Variants in MARCHF1 observed in about 807,000 individuals in gnomAD.
MARCHF1 encodes the protein E3 ubiquitin-protein ligase MARCHF1.
In MARCHF1, 40 loss-of-function variants were observed where a neutral mutation model predicts 54.2. That is an observed-to-expected ratio of 0.74 (90% confidence interval 0.57 to 0.96). The LOEUF (loss-of-function observed/expected upper bound fraction) is 0.96, where lower values mean the gene tolerates loss of function less well. MARCHF1 is among the 40% of genes least tolerant of loss of function. The pLI, the probability that MARCHF1 is intolerant of heterozygous loss-of-function variation, is 0.00. For missense variants in MARCHF1, 586 were observed against 656.5 expected (o/e 0.89, Z 1.17); for synonymous variants, 236 against 236.3 (o/e 1.00, Z 0.01).
chr4:164,322,704 G>A (rs1438584396), intron 1 of MARCHF1, among the ~76,000 whole-genome samples: 2 of 151,868 alleles, frequency 1.3e-5, no homozygotes, highest in Admixed American at 6.6e-5. Context: ...CACCTACTAT[G>A]TATTCACAAA....
At chr4:164,175,064 A>T (rs1184355621) in intron 1 of MARCHF1, among the ~76,000 whole-genome samples, 1 of 152,132 alleles carries the variant, frequency 6.6e-6, no homozygotes, top group Non-Finnish European at 1.5e-5. Context: ...TCCTAGTTCT[A>T]CTTCTTACTA....
intron 4 of MARCHF1, among the ~76,000 whole-genome samples, chr4:163,750,726 T>A (rs1746497646): frequency 6.6e-6 from 1 of 151,892 alleles, no homozygotes; most frequent in Non-Finnish European, 1.5e-5. Context: ...AGTAGAATAT[T>A]TAGGGGAGAA....
Position 163,733,177 on chromosome 4 carries a change from GTATATATA to G in MARCHF1, c.112-32322_112-32315del, listed in dbSNP as rs1169850987. Among the ~76,000 whole-genome samples, 129 of 17,490 alleles carry G rather than the reference GTATATATA, an allele frequency of 7.4e-3. 5 individuals are homozygous for G. Among genetic ancestry groups the G allele is most frequent in the South Asian group, 0.014 (5 of 370 alleles). 11.5% of individuals were successfully genotyped at this position (17,490 alleles called of 152,430 possible). Reference sequence around the variant, plus strand: ...TCTCTCTCTCTCTCTCTGTATGTGTGTATATATATATATATATATATATATATATATAT... The same window carrying G: ...TCTCTCTCTCTCTCTCTGTATGTGTGTATATATATATATATATATATATAT... On this transcript the variant is annotated intron_variant, in intron 4 of 9. Transcript: ENST00000514618.
At chr4:163,871,622 G>C (rs571479258) in intron 3 of MARCHF1, among the ~76,000 whole-genome samples, 1 of 151,890 alleles carries the variant, frequency 6.6e-6, no homozygotes, top group South Asian at 2.1e-4. Flanking sequence ...TAAATACATC[G>C]CATTTTATTA....
At chr4:164,005,334 G>A (rs901914779) in intron 2 of MARCHF1, among the ~76,000 whole-genome samples, 4 of 152,054 alleles carry the variant, frequency 2.6e-5, no homozygotes. Context: ...TAGGACAACA[G>A]ACTTCCAGTT....
intron 1 of MARCHF1, among the ~76,000 whole-genome samples, chr4:164,293,297 G>A (rs996513533): frequency 6.6e-6 from 1 of 152,018 alleles, no homozygotes; most frequent in African/African-American, 2.4e-5. Flanking sequence ...ATCACAAGCA[G>A]CCAAGCTTCA....
intron 2 of MARCHF1, among the ~76,000 whole-genome samples, chr4:164,058,460 T>G (rs1754543056): frequency 6.6e-6 from 1 of 152,218 alleles, no homozygotes; most frequent in Admixed American, 6.5e-5. Context: ...GTGAAGTCAC[T>G]CAGGGATTCA....
chr4:163,639,980 C>T (rs1446361461), intron 5 of MARCHF1, among the ~76,000 whole-genome samples: 1 of 152,110 alleles, frequency 6.6e-6, no homozygotes, highest in Non-Finnish European at 1.5e-5. Flanking sequence ...ATGCCCTCAT[C>T]TCACAGATCA....
intron 1 of MARCHF1, among the ~76,000 whole-genome samples, chr4:164,230,635 C>T (rs1174550922): frequency 6.6e-6 from 1 of 152,026 alleles, no homozygotes; most frequent in African/African-American, 2.4e-5. Context: ...AAACTTATTT[C>T]TTCTATCTAA....
chr4:164,092,622 A>G (rs1755328777), intron 2 of MARCHF1, among the ~76,000 whole-genome samples: 1 of 152,134 alleles, frequency 6.6e-6, no homozygotes, highest in African/African-American at 2.4e-5. Context: ...TTTTACTTAC[A>G]TTTACCAAAA....
chr4:163,934,558 C>A (rs1182955786), intron 3 of MARCHF1, among the ~76,000 whole-genome samples: 1 of 113,794 alleles, frequency 8.8e-6, no homozygotes, highest in Non-Finnish European at 1.7e-5. Context: ...GATTCCATCT[C>A]TAAAAACTCT....
chr4:163,820,318 C>G (rs1748656341), intron 4 of MARCHF1, among the ~76,000 whole-genome samples: 1 of 152,016 alleles, frequency 6.6e-6, no homozygotes, highest in African/African-American at 2.4e-5. Flanking sequence ...TCACAGCCCT[C>G]TCTTAGTGTT....
chr4:164,202,282 G>T (rs780418146), intron 1 of MARCHF1, among the ~76,000 whole-genome samples: 2 of 152,184 alleles, frequency 1.3e-5, no homozygotes, highest in African/African-American at 4.8e-5. Flanking sequence ...GAGAGTTCCA[G>T]TCAGAGGACA....
intron 5 of MARCHF1, among the ~76,000 whole-genome samples, chr4:163,691,146 A>G (rs1744436776): frequency 1.3e-5 from 2 of 152,178 alleles, no homozygotes; most frequent in African/African-American, 4.8e-5. Flanking sequence ...GATGCCTCTC[A>G]AGCATCTTCA....
At chr4:163,957,304 C>A (rs1221860772) in intron 3 of MARCHF1, among the ~76,000 whole-genome samples, 2 of 151,866 alleles carry the variant, frequency 1.3e-5, no homozygotes, top group Admixed American at 6.6e-5. Flanking sequence ...GAAAAATTAA[C>A]CTTAACAGTA....
intron 4 of MARCHF1, among the ~76,000 whole-genome samples, chr4:163,825,789 T>G (rs1748833649): frequency 6.6e-6 from 1 of 151,968 alleles, no homozygotes; most frequent in Admixed American, 6.6e-5. Flanking sequence ...TTCTTAAGAA[T>G]GTTTACTCAT....
chr4:164,361,753 A>G (rs1385077073), intron 1 of MARCHF1, among the ~76,000 whole-genome samples: 1 of 152,208 alleles, frequency 6.6e-6, no homozygotes, highest in Non-Finnish European at 1.5e-5. Flanking sequence ...TTTAAATGAT[A>G]ACTTACTAAG....
intron 9 of MARCHF1, among the ~76,000 whole-genome samples, chr4:163,533,686 T>C (rs1055204943): frequency 6.8e-6 from 1 of 147,226 alleles, no homozygotes; most frequent in African/African-American, 2.5e-5. Flanking sequence ...ATATAATATA[T>C]ATATATATAT....
rs79042390 is a variant in MARCHF1 at position 163,780,152 on chromosome 4, T to C, written c.111+73869A>G. On this transcript the variant is annotated intron_variant, in intron 4 of 9. Transcript: ENST00000514618. ...ACAGGTGAAAAAGGGCCTATAGTTGTTTAACACTTAAGGGAAATCTCAGAA... is the reference window on the plus strand; with the variant it reads ...ACAGGTGAAAAAGGGCCTATAGTTGCTTAACACTTAAGGGAAATCTCAGAA... Among the ~76,000 whole-genome samples, 105 of 152,318 alleles carry C rather than the reference T, an allele frequency of 6.9e-4. No individual in the cohort carries two copies. The East Asian group carries it at 0.018, about 26-fold the overall frequency.
Sources: allele counts gnomAD v4.1 joint callset (sites outside exome capture counted in the v4.1 genomes callset), GRCh38; gene constraint gnomAD v4.1.1; transcripts MANE v1.5; gene names NCBI Gene and HGNC (gene_info 2026-07-23, HGNC 2026-07-21).